Variants in GABRG3 observed in about 807,000 individuals in gnomAD.
GABRG3 encodes gamma-aminobutyric acid receptor subunit gamma-3.
GABRG3 carries 25 observed loss-of-function variants against 48.8 expected under a neutral mutation model. The ratio of observed to expected loss-of-function variants is 0.51; its 90% CI spans 0.37 to 0.72. The LOEUF (loss-of-function observed/expected upper bound fraction) is 0.72, where lower values mean the gene tolerates loss of function less well. GABRG3 is among the 30% of genes least tolerant of loss of function. The pLI, the probability that GABRG3 is intolerant of heterozygous loss-of-function variation, is 0.00. For missense variants in GABRG3, 394 were observed against 577.9 expected (o/e 0.68, Z 3.26); for synonymous variants, 227 against 217.6 (o/e 1.04, Z -0.38).
intron 3 of GABRG3, among the ~76,000 whole-genome samples, chr15:27,128,339 C>T (rs966900285): frequency 3.9e-5 from 6 of 152,208 alleles, no homozygotes; most frequent in African/African-American, 1.4e-4. Flanking sequence ...AGATTCACCA[C>T]ACACGTCTCC....
At chr15:27,113,138 C>G (rs923885329) in intron 3 of GABRG3, among the ~76,000 whole-genome samples, 2 of 151,884 alleles carry the variant, frequency 1.3e-5, no homozygotes, top group Non-Finnish European at 2.9e-5. Context: ...TCCTTTCATT[C>G]TATTTGGACT....
chr15:27,465,449 A>G (rs1463929651), intron 5 of GABRG3, among the ~76,000 whole-genome samples: 3 of 152,212 alleles, frequency 2.0e-5, no homozygotes, highest in Admixed American at 6.5e-5. Flanking sequence ...ATGCCCCACA[A>G]TGCAGCATCC....
intron 3 of GABRG3, among the ~76,000 whole-genome samples, chr15:27,246,667 A>G (rs566211587): frequency 2.0e-5 from 3 of 152,200 alleles, no homozygotes; most frequent in Non-Finnish European, 4.4e-5. Context: ...TCCTAACACT[A>G]GGATTTCTAA....
At chr15:27,508,875 A>C (rs1280193099) in intron 6 of GABRG3, among the ~76,000 whole-genome samples, 2 of 151,814 alleles carry the variant, frequency 1.3e-5, no homozygotes, top group Admixed American at 1.3e-4. Context: ...CACCACACCC[A>C]GCTAATTTTG....
chr15:27,315,146 CA>C (rs1285817321), intron 3 of GABRG3, among the ~76,000 whole-genome samples: 1 of 152,064 alleles, frequency 6.6e-6, no homozygotes, highest in Non-Finnish European at 1.5e-5. Flanking sequence ...TTATTAAAAT[CA>C]ATAATGTCTT....
intron 3 of GABRG3, among the ~76,000 whole-genome samples, chr15:27,065,095 G>A (rs896706452): frequency 6.6e-6 from 1 of 152,134 alleles, no homozygotes; most frequent in African/African-American, 2.4e-5. Flanking sequence ...TTGCTTCCTT[G>A]GCAGCTGGTG....
chr15:27,176,051 A>G (rs1363968381), intron 3 of GABRG3, among the ~76,000 whole-genome samples: 1 of 152,134 alleles, frequency 6.6e-6, no homozygotes, highest in Non-Finnish European at 1.5e-5. Flanking sequence ...AAGAAAGAAA[A>G]AAGAAAACAA....
chr15:27,048,291 C>T (rs1251382443), intron 3 of GABRG3, among the ~76,000 whole-genome samples: 1 of 151,526 alleles, frequency 6.6e-6, no homozygotes, highest in East Asian at 1.9e-4. Context: ...TGTGTGCCAG[C>T]CCACCCTCTG....
At chr15:26,997,421 A>C (rs1185719423) in intron 2 of GABRG3, among the ~76,000 whole-genome samples, 1 of 152,200 alleles carries the variant, frequency 6.6e-6, no homozygotes, top group Admixed American at 6.5e-5. Flanking sequence ...ATTTCAAAAA[A>C]ACTTTGACAT....
intron 5 of GABRG3, among the ~76,000 whole-genome samples, chr15:27,400,775 A>C (rs1335737120): frequency 4.9e-4 from 74 of 152,320 alleles, no homozygotes; most frequent in Admixed American, 4.6e-3. Context: ...TCCTATTCTA[A>C]ATTTCACTGG....
intron 5 of GABRG3, among the ~76,000 whole-genome samples, chr15:27,451,391 CTGG>C (rs1373423329): frequency 5.3e-5 from 8 of 152,130 alleles, no homozygotes; most frequent in African/African-American, 1.9e-4. Flanking sequence ...TTATGCATTT[CTGG>C]TCAATTAATT....
chr15:27,460,152 A>G (rs927802760), intron 5 of GABRG3, among the ~76,000 whole-genome samples: 4 of 152,242 alleles, frequency 2.6e-5, no homozygotes, highest in Admixed American at 2.6e-4. Context: ...AACCGGAAGT[A>G]CCTCAAATAC....
chr15:27,518,231 T>C (rs1595806636), intron 6 of GABRG3, among the ~76,000 whole-genome samples: 2 of 142,852 alleles, frequency 1.4e-5, no homozygotes, highest in Admixed American at 1.4e-4. Context: ...TAGCCAGACG[T>C]GGTGGCACAT....
intron 3 of GABRG3, among the ~76,000 whole-genome samples, chr15:27,053,867 G>A (rs551960242): frequency 6.6e-6 from 1 of 152,350 alleles, no homozygotes; most frequent in African/African-American, 2.4e-5. Context: ...GTGAATTAAT[G>A]CAGAAACAAA....
At chr15:27,307,285 G>T (rs867458038) in intron 3 of GABRG3, among the ~76,000 whole-genome samples, 2 of 136,534 alleles carry the variant, frequency 1.5e-5, no homozygotes, top group African/African-American at 5.3e-5. Context: ...ATAACCATAG[G>T]TTTATATATG....
chr15:27,388,533 T>A (rs150383405), intron 5 of GABRG3, among the ~76,000 whole-genome samples: 2 of 152,240 alleles, frequency 1.3e-5, no homozygotes, highest in South Asian at 4.1e-4. Flanking sequence ...AGCCATTCAG[T>A]ACCATTGATA....
At chr15:27,276,913 T>C (rs1889160139) in intron 3 of GABRG3, among the ~76,000 whole-genome samples, 1 of 152,224 alleles carries the variant, frequency 6.6e-6, no homozygotes, top group Non-Finnish European at 1.5e-5. Context: ...TTCTATTCTA[T>C]ATCACTTCTT....
At chr15:26,973,115 G>A (rs1419136455) in intron 1 of GABRG3, among the ~76,000 whole-genome samples, 1 of 152,172 alleles carries the variant, frequency 6.6e-6, no homozygotes, top group Non-Finnish European at 1.5e-5. Context: ...CGAGTGACCA[G>A]CCGTTCAGGG....
chr15:26,976,548 C>T lies in GABRG3; in HGVS notation c.54-454C>T, dbSNP rs1013220403. On this transcript the variant is annotated intron_variant, in intron 1 of 9. Coordinates refer to ENST00000615808, the MANE Select transcript of GABRG3 (RefSeq NM_033223.5). The surrounding 1 kb of genome is among the most constrained non-coding windows in gnomAD (Gnocchi z 7.8). Reference sequence around the variant, plus strand: ...CTCAACTATTTTGAATGAGTCCACTCTGCAAAAGCTAATCTCACCTTCAAC... The same window carrying T: ...CTCAACTATTTTGAATGAGTCCACTTTGCAAAAGCTAATCTCACCTTCAAC... Among the ~76,000 whole-genome samples the T allele has an allele frequency of 2.0e-5, 3 of 152,114 alleles. No individual in the cohort carries two copies. The highest frequency in any genetic ancestry group is 4.8e-5 in the African/African-American group (2 of 41,432).
Sources: allele counts gnomAD v4.1 joint callset (sites outside exome capture counted in the v4.1 genomes callset), GRCh38; gene constraint gnomAD v4.1.1; non-coding constraint Gnocchi (gnomAD v3.1); transcripts MANE v1.5; gene names NCBI Gene and HGNC (gene_info 2026-07-23, HGNC 2026-07-21).